The following CDH23 variants were observed in gnomAD, a reference collection of about 807,000 sequenced individuals.
CDH23 encodes cadherin-23.
In CDH23, 189 loss-of-function variants were observed where a neutral mutation model predicts 317.1. The ratio of observed to expected loss-of-function variants is 0.60; its 90% CI spans 0.53 to 0.67. CDH23 has a LOEUF of 0.67. Among genes scored for constraint, CDH23 ranks in the 30% least tolerant of loss-of-function variants. CDH23 has a pLI of 0.00. For missense variants in CDH23, 4,401 were observed against 4,592.4 expected (o/e 0.96, Z 1.20); for synonymous variants, 1,839 against 1,876.8 (o/e 0.98, Z 0.52).
At chr10:71,652,066 C>T (rs2132611929) in intron 14 of CDH23, among the ~76,000 whole-genome samples, 1 of 152,330 alleles carries the variant, frequency 6.6e-6, no homozygotes, top group Admixed American at 6.5e-5. Flanking sequence ...AGGCTTCTTC[C>T]CCAGTCGGAG....
chr10:71,697,540 G>T (rs1865437665), intron 22 of CDH23, among the ~76,000 whole-genome samples: 1 of 152,080 alleles, frequency 6.6e-6, no homozygotes, highest in African/African-American at 2.4e-5. Flanking sequence ...AGGTGTGGTG[G>T]TGCACACCTG....
At chr10:71,402,382 T>C (rs1354563254) in intron 1 of CDH23, among the ~76,000 whole-genome samples, 2 of 152,196 alleles carry the variant, frequency 1.3e-5, no homozygotes, top group African/African-American at 4.8e-5. Flanking sequence ...CATAAGGCAG[T>C]TTGCAGGCCG....
chr10:71,652,466 A>G (rs1215252042), intron 14 of CDH23, among the ~76,000 whole-genome samples: 14 of 152,216 alleles, frequency 9.2e-5, no homozygotes, highest in Non-Finnish European at 7.3e-5. Context: ...AGATTTACAG[A>G]TGGCAGGAGT....
chr10:71,790,839 C>A, intron 46 of CDH23: 1 of 516,422 alleles, frequency 1.9e-6, no homozygotes, highest in East Asian at 3.3e-5. Flanking sequence ...GCACATCTGT[C>A]AACAGAGACG....
chr10:71,598,818 G>A (rs375929113), intron 9 of CDH23, among the ~76,000 whole-genome samples: 8 of 152,274 alleles, frequency 5.3e-5, no homozygotes, highest in African/African-American at 1.7e-4. Context: ...TGAGCCAAGG[G>A]ATGGGAGCGT....
chr10:71,725,516 T>G lies in CDH23; in HGVS notation c.3575T>G (p.Val1192Gly), dbSNP rs1302474489. The G allele has an allele frequency of 1.2e-6, 2 of 1,612,770 alleles. No homozygotes were observed. Among genetic ancestry groups the G allele is most frequent in the Non-Finnish European group, 1.7e-6 (2 of 1,179,478 alleles). ...NHDLGPMRSSVRVIVYVEDIN... is the reference protein window; with the variant it reads ...NHDLGPMRSSGRVIVYVEDIN... ...GACCTGGGCCCCATGCGGAGCTCCGTCAGGGTGAGGCTAGGGGCGGGCTGG... is the reference window on the plus strand; with the variant it reads ...GACCTGGGCCCCATGCGGAGCTCCGGCAGGGTGAGGCTAGGGGCGGGCTGG... Residue 1192 changes from valine (V) to glycine (G), a missense_variant, in exon 30 of 70, where the codon GTC becomes GGC. By Grantham distance (109) the Val-to-Gly change is moderately radical. This residue lies in a region of CDH23 where 3,068 missense variants were observed against 3,203.3 expected (regional missense o/e 0.96). Coordinates refer to ENST00000224721, the MANE Select transcript of CDH23 (RefSeq NM_022124.6).
At chr10:71,581,688 C>T (rs1430122635) in intron 9 of CDH23, among the ~76,000 whole-genome samples, 1 of 152,224 alleles carries the variant, frequency 6.6e-6, no homozygotes, top group African/African-American at 2.4e-5. Context: ...CCACAGAGGA[C>T]CTGGCATGGG....
At chr10:71,758,803 G>T (rs758412317) in intron 38 of CDH23, among the ~76,000 whole-genome samples, 1 of 152,206 alleles carries the variant, frequency 6.6e-6, no homozygotes. Context: ...AAGGTGGGAA[G>T]ATCAATTGAG....
In CDH23 at chr10:71,518,558, G is replaced by T. The variant is rs114313894; in HGVS notation, c.429+7346G>T. 6.5e-3 allele frequency among the ~76,000 whole-genome samples: 997 copies of T among 152,214 alleles called. 10 individuals are homozygous for T. Among genetic ancestry groups the T allele is most frequent in the African/African-American group, 0.019 (771 of 41,524 alleles). On this transcript the variant is annotated intron_variant, in intron 6 of 69. Transcript: ENST00000224721. The stretch of plus-strand genomic sequence containing the variant: ...ACCTTGTAGCTCAGGACCCAGCCAC[G>T]GTCATAGTGACACCCCTTCCTTGTG...
At chr10:71,672,466 T>G (rs1441985172) in intron 14 of CDH23, among the ~76,000 whole-genome samples, 4 of 152,078 alleles carry the variant, frequency 2.6e-5, no homozygotes, top group African/African-American at 9.7e-5. Context: ...CTAGTTCGGC[T>G]TCCTACACTT....
chr10:71,590,989 C>T (rs1213023333), intron 9 of CDH23, among the ~76,000 whole-genome samples: 1 of 151,806 alleles, frequency 6.6e-6, no homozygotes, highest in Non-Finnish European at 1.5e-5. Context: ...TGCCAGCTTC[C>T]ACATGGGTGG....
At position 71,578,005 on chromosome 10, in the gene CDH23, G is replaced by T; in HGVS notation, c.832+13G>T. 1 of 1,584,400 alleles carries T rather than the reference G, an allele frequency of 6.3e-7. No individual in the cohort carries two copies. The highest frequency in any genetic ancestry group is 8.6e-7 in the Non-Finnish European group (1 of 1,165,336). On this transcript the variant is annotated intron_variant, in intron 9 of 69. Coordinates refer to ENST00000224721, the MANE Select transcript of CDH23 (RefSeq NM_022124.6). ...ACCATCGTTTCAGGTAAGACAGAAG[G>T]CTGCCCCTCTCTCCTCTCACCCCTC...
rs148188584 is a variant in CDH23, at chr10:71,627,549, G to C, written c.1134+10156G>C. On this transcript the variant is annotated intron_variant, in intron 11 of 69. Coordinates refer to ENST00000224721, the MANE Select transcript of CDH23 (RefSeq NM_022124.6). ...TAAATCTAATTAGCATGCTATTTACGCCAAGCCCTGTACCCCTGGCAGGGG... is the reference window on the plus strand; with the variant it reads ...TAAATCTAATTAGCATGCTATTTACCCCAAGCCCTGTACCCCTGGCAGGGG... Among the ~76,000 whole-genome samples the C allele has an allele frequency of 4.7e-4, 72 of 152,256 alleles. No homozygotes were observed. In the East Asian group the frequency reaches 0.013, roughly 28 times the overall value.
chr10:71,692,107 C>T (rs1865205262), intron 20 of CDH23, among the ~76,000 whole-genome samples: 2 of 152,154 alleles, frequency 1.3e-5, no homozygotes, highest in South Asian at 4.1e-4. Context: ...CTCATTCTGC[C>T]CTCCTCACCT....
At chr10:71,507,710 T>C (rs932815234) in intron 3 of CDH23, among the ~76,000 whole-genome samples, 7 of 152,178 alleles carry the variant, frequency 4.6e-5, no homozygotes, top group Non-Finnish European at 1.0e-4. Context: ...AATAATTAAT[T>C]AATCAATCAA....
At chr10:71,805,133 C>G (rs1035948353) in intron 55 of CDH23, among the ~76,000 whole-genome samples, 1 of 152,194 alleles carries the variant, frequency 6.6e-6, no homozygotes, top group Non-Finnish European at 1.5e-5. Context: ...CGTGCCCTTT[C>G]TTTTTCCCTG....
intron 11 of CDH23, among the ~76,000 whole-genome samples, chr10:71,625,053 G>A (rs1456955957): frequency 6.6e-6 from 1 of 152,028 alleles, no homozygotes; most frequent in Non-Finnish European, 1.5e-5. Context: ...TGTCCAATAT[G>A]GGGAAAACGG....
intron 1 of CDH23, among the ~76,000 whole-genome samples, chr10:71,437,002 G>T (rs1347246736): frequency 1.3e-5 from 2 of 152,214 alleles, no homozygotes; most frequent in Non-Finnish European, 2.9e-5. Flanking sequence ...GATGGAAAGT[G>T]GTTTGAACAT....
At chr10:71,810,653 G>A in intron 62 of CDH23, 84 bp downstream of exon 62, 1 of 1,253,452 alleles carries the variant, frequency 8.0e-7, no homozygotes, top group Non-Finnish European at 1.2e-6. Flanking sequence ...ACACACCAAA[G>A]GAGACACAGA....
Sources: gnomAD v4.1 joint callset for allele counts (sites outside exome capture counted in the v4.1 genomes callset) on GRCh38, gnomAD v4.1.1 for gene constraint, gnomAD v4.1.1 regional missense constraint, MANE v1.5 for transcripts, NCBI Gene and HGNC (gene_info 2026-07-23, HGNC 2026-07-21) for gene names.